TBX15: variants seen among roughly 807,000 people sequenced by gnomAD.
TBX15 encodes T-box transcription factor 15, also known as T-box transcription factor TBX15.
A neutral mutation model predicts 53.9 loss-of-function variants in TBX15; 18 were observed. The ratio of observed to expected loss-of-function variants is 0.33; its 90% CI spans 0.23 to 0.49. The LOEUF (loss-of-function observed/expected upper bound fraction) is 0.49. Ranked by LOEUF, TBX15 falls within the 20% of genes least tolerant of loss-of-function variation. The probability of loss-of-function intolerance (pLI) is 0.98; values close to 1 mark genes in which losing one functional copy is unlikely to be tolerated. For missense variants in TBX15, 692 were observed against 749.5 expected, an observed-to-expected ratio of 0.92 and a Z score of 0.90; for synonymous variants, 295 against 278.0, an observed-to-expected ratio of 1.06 and a Z score of -0.61.
chr1:118,906,237 A>G (rs909558699), intron 6 of TBX15, among the ~76,000 whole-genome samples: 5 of 152,164 alleles, frequency 3.3e-5, no homozygotes, highest in Non-Finnish European at 7.4e-5. Flanking sequence ...GTAATTTTCT[A>G]TGTTTAACTT....
chr1:118,978,556 G>T (rs1248870222), intron 1 of TBX15, among the ~76,000 whole-genome samples: 1 of 151,902 alleles, frequency 6.6e-6, no homozygotes, highest in Non-Finnish European at 1.5e-5. Flanking sequence ...AAATATCCCT[G>T]GTTCCAACAT....
In TBX15 at chr1:118,884,897, G is replaced by A. The variant is rs2101418392; in HGVS notation, c.1644C>T (p.Ser548=). 1 of 1,614,198 alleles carries A rather than the reference G, an allele frequency of 6.2e-7. No homozygotes were observed. The highest frequency in any genetic ancestry group is 8.5e-7 in the Non-Finnish European group (1 of 1,180,032). The change falls in exon 8 of 8, where the codon TCC becomes TCT. Residue 548 remains serine (S), a synonymous_variant. Transcript: ENST00000369429. ...ACTGCCTCTCTCCAAAGGCCCCGTT[G>A]GAAGGAGAAGAACAGAGTAAAGTGC... ...SQSTLLCSSP[S]NGAFGERQYL...
rs189221073 is a variant in TBX15 at position 118,984,344 on chromosome 1, C to G, written c.205+3247G>C. On this transcript the variant is annotated intron_variant, in intron 1 of 7. Coordinates refer to ENST00000369429, the MANE Select transcript of TBX15 (RefSeq NM_001330677.2). ...GTTTCTGGAGGAGGAAATCCCTCCACAGAAGGTTTACATTATTTCGCTCCG... is the reference window on the plus strand; with the variant it reads ...GTTTCTGGAGGAGGAAATCCCTCCAGAGAAGGTTTACATTATTTCGCTCCG... Among the ~76,000 whole-genome samples, 624 of 152,368 alleles carry G rather than the reference C, an allele frequency of 4.1e-3. 4 individuals carry two copies. Among genetic ancestry groups the G allele is most frequent in the Non-Finnish European group, 6.8e-3 (464 of 68,040 alleles).
chr1:118,909,615 C>T (rs562619087), intron 6 of TBX15, among the ~76,000 whole-genome samples: 34 of 152,322 alleles, frequency 2.2e-4, no homozygotes, highest in Admixed American at 1.4e-3. Flanking sequence ...CGGAGTCTCG[C>T]TCCGTTGCCC....
In TBX15 at chr1:118,979,501, T is replaced by C. The variant is rs901659655; in HGVS notation, c.205+8090A>G. Among the ~76,000 whole-genome samples the C allele has an allele frequency of 6.0e-4, 92 of 152,306 alleles. 4 individuals carry two copies. Among genetic ancestry groups the C allele is most frequent in the African/African-American group, 2.0e-3 (83 of 41,576 alleles). On this transcript the variant is annotated intron_variant, in intron 1 of 7. Coordinates refer to ENST00000369429, the MANE Select transcript of TBX15 (RefSeq NM_001330677.2). ...GGTTTCTAATTGCTAATGTTTGAAG[T>C]CAGTTTGATTCCTCGGAAATTTGTT... is the stretch of plus-strand genomic sequence containing the variant.
rs1441997733 is a variant in TBX15, at chr1:118,899,063, G to A, written c.989C>T (p.Thr330Ile). Residue 330 changes from threonine to isoleucine, a missense_variant, in exon 7 of 8, where the codon ACC (threonine) becomes ATC (isoleucine). By Grantham distance (89) the Thr-to-Ile change is moderately conservative. Around this residue, in one of 3 missense-constraint regions of TBX15, gnomAD observed 375 missense variants for 371.6 expected, o/e 1.01. Coordinates refer to ENST00000369429, the MANE Select transcript of TBX15 (RefSeq NM_001330677.2). Reference sequence around the variant, plus strand: ...CTGCATGGTGGTGAAGTCTTCGAAGGTGAGTGTGCGCACAGGAGGTCTCCA... The same window carrying A: ...CTGCATGGTGGTGAAGTCTTCGAAGATGAGTGTGCGCACAGGAGGTCTCCA... ...AFWRPPVRTLTFEDFTTMQKQ... is the reference protein window; with the variant it reads ...AFWRPPVRTLIFEDFTTMQKQ... The A allele has an allele frequency of 2.5e-6, 4 of 1,613,670 alleles. No homozygotes were observed. The highest frequency in any genetic ancestry group is 3.4e-6 in the Non-Finnish European group (4 of 1,179,738).
At chr1:118,945,078 A>G (rs1199269976) in intron 1 of TBX15, among the ~76,000 whole-genome samples, 1 of 152,160 alleles carries the variant, frequency 6.6e-6, no homozygotes, top group Non-Finnish European at 1.5e-5. Flanking sequence ...GGGGAAAGAG[A>G]GGAGAATAGG....
At position 118,988,044 on chromosome 1, in the gene TBX15, G is replaced by A. The variant is rs995630721; in HGVS notation, c.-249C>T. Reference sequence around the variant, plus strand: ...CTAGCGCCCCGAGCGCCGCCCGCTCGCTGCATGAGCGCCCGAGTCCTGCTT... The same window carrying A: ...CTAGCGCCCCGAGCGCCGCCCGCTCACTGCATGAGCGCCCGAGTCCTGCTT... On this transcript the variant is annotated 5_prime_UTR_variant, in exon 1 of 8. It introduces an in-frame stop codon into an upstream open reading frame of the 5' UTR. Coordinates refer to ENST00000369429, the MANE Select transcript of TBX15 (RefSeq NM_001330677.2). 3.5e-6 allele frequency: 2 copies of A among 569,460 alleles called. No individual in the cohort carries two copies. Among genetic ancestry groups the A allele is most frequent in the Non-Finnish European group, 6.2e-6 (2 of 323,396 alleles). 35.3% of individuals were successfully genotyped at this position (569,460 alleles called of 1,614,324 possible).
Position 118,884,997 on chromosome 1 carries a change from TA to T in TBX15, c.1543del (p.Tyr515ThrfsTer14). The T allele has an allele frequency of 6.2e-7, 1 of 1,614,098 alleles. No individual in the cohort carries two copies. Among genetic ancestry groups the T allele is most frequent in the Non-Finnish European group, 8.5e-7 (1 of 1,179,990 alleles). ...GGGGAAATTGTATCCATACAGGTTG[TA>T]AGGGTTGTGAAGGGAGAAGGCATTG... is the stretch of plus-strand genomic sequence containing the variant. ...SYNAFSLHNP[Y>X]NLYGYNFPTS... On this transcript the variant is annotated frameshift_variant, in exon 8 of 8. Coordinates refer to ENST00000369429, the MANE Select transcript of TBX15 (RefSeq NM_001330677.2). LOFTEE classifies it high-confidence loss of function.
chr1:118,967,530 T>G (rs1657069182), intron 1 of TBX15, among the ~76,000 whole-genome samples: 1 of 152,166 alleles, frequency 6.6e-6, no homozygotes, highest in Non-Finnish European at 1.5e-5. Context: ...AAACAGCACC[T>G]CATCTGCCAA....
intron 1 of TBX15, among the ~76,000 whole-genome samples, chr1:118,945,372 C>T (rs1437971853): frequency 6.6e-6 from 1 of 152,134 alleles, no homozygotes; most frequent in Non-Finnish European, 1.5e-5. Context: ...TTTACATATT[C>T]ACATTAATCT....
At chr1:118,962,398 A>G (rs1485594670) in intron 1 of TBX15, among the ~76,000 whole-genome samples, 1 of 152,090 alleles carries the variant, frequency 6.6e-6, no homozygotes, top group African/African-American at 2.4e-5. Flanking sequence ...GGTAACTATC[A>G]TCACTTCTCC....
At position 118,940,393 on chromosome 1, in the gene TBX15, A is replaced by G. The variant is rs144212904; in HGVS notation, c.206-8561T>C. On this transcript the variant is annotated intron_variant, in intron 1 of 7. Coordinates refer to ENST00000369429, the MANE Select transcript of TBX15 (RefSeq NM_001330677.2). ...CCAAATGTGACAGACACTGAAGATC[A>G]CTGTCAATGTCAAATCACCCTTTTG... Among the ~76,000 whole-genome samples, 497 of 152,102 alleles carry G rather than the reference A, an allele frequency of 3.3e-3. 17 individuals carry two copies. Among genetic ancestry groups the G allele is most frequent in the African/African-American group, 0.011 (472 of 41,360 alleles).
chr1:118,931,129 G>T (rs1655768134), intron 2 of TBX15, among the ~76,000 whole-genome samples: 1 of 152,184 alleles, frequency 6.6e-6, no homozygotes, highest in Non-Finnish European at 1.5e-5. Flanking sequence ...CACCAATAAA[G>T]TTGTGTAATA....
intron 1 of TBX15, among the ~76,000 whole-genome samples, chr1:118,962,468 C>G (rs1656912842): frequency 6.6e-6 from 1 of 152,078 alleles, no homozygotes; most frequent in Admixed American, 6.6e-5. Flanking sequence ...AACAACACCC[C>G]CTTCTGTATT....
chr1:118,954,461 G>A (rs546915506), intron 1 of TBX15, among the ~76,000 whole-genome samples: 16 of 152,314 alleles, frequency 1.1e-4, no homozygotes, highest in African/African-American at 3.1e-4. Context: ...CAACTTGAGA[G>A]TGGATTACAT....
chr1:118,899,277 G>C (rs1212518417), intron 6 of TBX15, 152 bp from the exon 7 acceptor site: 1 of 736,476 alleles, frequency 1.4e-6, no homozygotes, highest in East Asian at 2.7e-5. Context: ...AAAAACTCAA[G>C]GTACAATGAT....
intron 7 of TBX15, among the ~76,000 whole-genome samples, 168 bp downstream of exon 7, chr1:118,898,860 C>CCCAAGTGGTGATGCTTTGGTTATT (rs1553218989): frequency 6.6e-6 from 1 of 152,120 alleles, no homozygotes; most frequent in Non-Finnish European, 1.5e-5. Flanking sequence ...AGCTTGTTTA[C>CCCAAGTGGTGATGCTTTGGTTATT]CCAAGTGGTG....
chr1:118,968,038 T>TA (rs1657111348), intron 1 of TBX15, among the ~76,000 whole-genome samples: 2 of 152,222 alleles, frequency 1.3e-5, no homozygotes, highest in African/African-American at 4.8e-5. Flanking sequence ...TGACATTTGT[T>TA]TGTATACTGG....
Sources: gnomAD v4.1 joint callset for allele counts (sites outside exome capture counted in the v4.1 genomes callset) on GRCh38, gnomAD v4.1.1 for gene constraint, gnomAD v4.1.1 regional missense constraint, MANE v1.5 for transcripts, NCBI Gene and HGNC (gene_info 2026-07-23, HGNC 2026-07-21) for gene names.